DNAJC5: variants seen among roughly 807,000 people sequenced by gnomAD.
The protein encoded by DNAJC5 is DnaJ heat shock protein family (Hsp40) member C5, also known as dnaJ homolog subfamily C member 5.
A neutral mutation model predicts 23.2 loss-of-function variants in DNAJC5; 1 was observed. The ratio of observed to expected loss-of-function variants is 0.04; its 90% confidence interval spans 0.02 to 0.20. The LOEUF is 0.20. Ranked by LOEUF, DNAJC5 falls within the 10% of genes least tolerant of loss-of-function variation. The pLI, the probability that DNAJC5 is intolerant of heterozygous loss-of-function variation, is 1.00. For synonymous variants in DNAJC5, 136 were observed against 120.0 expected (o/e 1.13, Z -0.87); for missense variants, 180 against 267.0 (o/e 0.67, Z 2.27).
At chr20:63,927,231 T>C (rs2053623790) in intron 1 of DNAJC5, among the ~76,000 whole-genome samples, 1 of 151,966 alleles carries the variant, frequency 6.6e-6, no homozygotes, top group Non-Finnish European at 1.5e-5. Context: ...AAACAATGTG[T>C]ATTTGCCAGG....
Position 63,901,631 on chromosome 20 carries a change from C to T in DNAJC5, c.-12+6308C>T, listed in dbSNP as rs556192529. Reference sequence around the variant, plus strand: ...TGCAGGTGCCTGACGGGAGGAGTGACTGCAGCTCAGCAGAGGGAGTGTGTG... The same window carrying T: ...TGCAGGTGCCTGACGGGAGGAGTGATTGCAGCTCAGCAGAGGGAGTGTGTG... On this transcript the variant is annotated intron_variant, in intron 1 of 4. Coordinates refer to ENST00000360864, the MANE Select transcript of DNAJC5 (RefSeq NM_025219.3). Among the ~76,000 whole-genome samples the T allele has an allele frequency of 1.0e-4, 16 of 152,390 alleles. 1 individual carries two copies. Among genetic ancestry groups the T allele is most frequent in the African/African-American group, 3.6e-4 (15 of 41,600 alleles).
intron 1 of DNAJC5, among the ~76,000 whole-genome samples, chr20:63,924,124 A>C (rs920625188): frequency 6.6e-6 from 1 of 152,116 alleles, no homozygotes; most frequent in African/African-American, 2.4e-5. Flanking sequence ...TAAATTCTCT[A>C]ACTTTTGTTC....
At chr20:63,922,168 A>C (rs531804123) in intron 1 of DNAJC5, among the ~76,000 whole-genome samples, 1 of 152,086 alleles carries the variant, frequency 6.6e-6, no homozygotes, top group African/African-American at 2.4e-5. Flanking sequence ...TCATTACCCC[A>C]AGGAAATAGG....
In DNAJC5 at chr20:63,905,507, C is replaced by T. The variant is rs1193670268; in HGVS notation, c.-12+10184C>T. Among the ~76,000 whole-genome samples, 10 of 151,636 alleles carry T rather than the reference C, an allele frequency of 6.6e-5. No homozygotes were observed. In the South Asian group the frequency reaches 1.5e-3, roughly 22 times the overall value. On this transcript the variant is annotated intron_variant, in intron 1 of 4. Coordinates refer to ENST00000360864, the MANE Select transcript of DNAJC5 (RefSeq NM_025219.3). ...TCACTGCAGCCTTCACCTCTGGGCTCGAGTGATCCTCCCACCTCAGGTTAC... is the reference window on the plus strand; with the variant it reads ...TCACTGCAGCCTTCACCTCTGGGCTTGAGTGATCCTCCCACCTCAGGTTAC...
chr20:63,895,618 C>T (rs2053369474), intron 1 of DNAJC5, among the ~76,000 whole-genome samples: 1 of 151,748 alleles, frequency 6.6e-6, no homozygotes, highest in South Asian at 2.1e-4. Context: ...CTCTTCGGGC[C>T]CGGACGCCCC....
At chr20:63,930,507 C>A (rs2053659786) in intron 3 of DNAJC5, among the ~76,000 whole-genome samples, 1 of 152,208 alleles carries the variant, frequency 6.6e-6, no homozygotes, top group African/African-American at 2.4e-5. Context: ...GCCACCACGT[C>A]CAGCTAATTT....
chr20:63,913,649 C>T (rs1015764780), intron 1 of DNAJC5, among the ~76,000 whole-genome samples: 1 of 152,166 alleles, frequency 6.6e-6, no homozygotes, highest in African/African-American at 2.4e-5. Flanking sequence ...TCTTGGCTCA[C>T]TGCAACCTCC....
chr20:63,927,767 A>C (rs2053628620), intron 1 of DNAJC5, among the ~76,000 whole-genome samples: 1 of 152,140 alleles, frequency 6.6e-6, no homozygotes, highest in African/African-American at 2.4e-5. Context: ...ACTAACATTG[A>C]ATTTAATTGT....
chr20:63,915,326 G>A (rs542097684), intron 1 of DNAJC5, among the ~76,000 whole-genome samples: 1 of 152,204 alleles, frequency 6.6e-6, no homozygotes, highest in South Asian at 2.1e-4. Flanking sequence ...TGACTTGGAG[G>A]AGGGCTGTTG....
intron 1 of DNAJC5, among the ~76,000 whole-genome samples, chr20:63,910,277 G>T (rs2053474328): frequency 6.6e-6 from 1 of 151,912 alleles, no homozygotes. Flanking sequence ...GGGCGCGGTG[G>T]CTCACGCCTG....
chr20:63,915,258 A>G (rs545862733), intron 1 of DNAJC5, among the ~76,000 whole-genome samples: 51 of 152,286 alleles, frequency 3.3e-4, no homozygotes, highest in African/African-American at 1.2e-3. Context: ...TGAACAAAAA[A>G]GGGGAAAAAC....
At chr20:63,923,154 AAAAG>A (rs1297662151) in intron 1 of DNAJC5, among the ~76,000 whole-genome samples, 2 of 148,548 alleles carry the variant, frequency 1.3e-5, no homozygotes, top group Non-Finnish European at 1.5e-5. Context: ...AAAGAAAAAA[AAAAG>A]AATAAGTCAC....
chr20:63,907,732 A>G (rs1030818057), intron 1 of DNAJC5, among the ~76,000 whole-genome samples: 2 of 152,220 alleles, frequency 1.3e-5, no homozygotes, highest in Admixed American at 6.5e-5. Context: ...AGGTGAATGC[A>G]TGTGTTTTAC....
intron 1 of DNAJC5, chr20:63,919,980 T>C: frequency 2.6e-6 from 1 of 384,942 alleles, no homozygotes; most frequent in Non-Finnish European, 4.9e-6. Context: ...CACCCGGCTG[T>C]GTGGACATGT....
chr20:63,915,147 G>A (rs80031157), intron 1 of DNAJC5, among the ~76,000 whole-genome samples: 2,864 of 152,134 alleles, frequency 0.019, 105 homozygotes, highest in African/African-American at 0.065. Flanking sequence ...GAGCTGGTCC[G>A]TATCTCTTGC....
chr20:63,915,403 A>C (rs2053509469), intron 1 of DNAJC5, among the ~76,000 whole-genome samples: 1 of 147,936 alleles, frequency 6.8e-6, no homozygotes, highest in African/African-American at 2.5e-5. Context: ...TTAATGTTAT[A>C]TGTTTTTTAC....
chr20:63,919,216 C>T lies in DNAJC5; in HGVS notation c.-11-9119C>T, dbSNP rs191974414. Reference sequence around the variant, plus strand: ...CTGCATTCTGAGGAGCAGGGACCTGCTAAACTGCAAGCTGCCGCAGGCGGA... The same window carrying T: ...CTGCATTCTGAGGAGCAGGGACCTGTTAAACTGCAAGCTGCCGCAGGCGGA... On this transcript the variant is annotated intron_variant, in intron 1 of 4. Coordinates refer to ENST00000360864, the MANE Select transcript of DNAJC5 (RefSeq NM_025219.3). 1.5e-4 allele frequency among the ~76,000 whole-genome samples: 23 copies of T among 152,364 alleles called. 1 individual carries two copies. In the East Asian group the frequency reaches 1.9e-3, roughly 13 times the overall value.
At chr20:63,896,763 A>G (rs2053378300) in intron 1 of DNAJC5, among the ~76,000 whole-genome samples, 1 of 152,082 alleles carries the variant, frequency 6.6e-6, no homozygotes, top group Admixed American at 6.6e-5. Flanking sequence ...ACTGTGAGTT[A>G]GTAAGGTCCG....
At chr20:63,902,359 T>C (rs1464040558) in intron 1 of DNAJC5, among the ~76,000 whole-genome samples, 2 of 55,836 alleles carry the variant, frequency 3.6e-5, no homozygotes, top group Non-Finnish European at 5.8e-5. Flanking sequence ...TGGCCTCATC[T>C]TTTTTTTTTT....
Sources: gnomAD v4.1 joint callset for allele counts (sites outside exome capture counted in the v4.1 genomes callset) on GRCh38, gnomAD v4.1.1 for gene constraint, MANE v1.5 for transcripts, NCBI Gene and HGNC (gene_info 2026-07-23, HGNC 2026-07-21) for gene names.